The following PLEKHG4B variants were observed in gnomAD, a reference collection of about 807,000 sequenced individuals.
PLEKHG4B encodes pleckstrin homology domain-containing family G member 4B.
In PLEKHG4B, 111 loss-of-function variants were observed where a neutral mutation model predicts 121.3. That is an observed-to-expected ratio of 0.92 (90% CI 0.78 to 1.07). The LOEUF (loss-of-function observed/expected upper bound fraction) is 1.07, where lower values mean the gene tolerates loss of function less well. PLEKHG4B is among the 50% of genes least tolerant of loss of function. PLEKHG4B has a pLI of 0.00. For missense variants in PLEKHG4B, 1,831 were observed against 1,757.8 expected, an observed-to-expected ratio of 1.04 and a Z score of -0.74; for synonymous variants, 738 against 725.0, an observed-to-expected ratio of 1.02 and a Z score of -0.29.
chr5:135,421 C>T (rs1489215422), intron 2 of PLEKHG4B, among the ~76,000 whole-genome samples: 1 of 150,390 alleles, frequency 6.6e-6, no homozygotes, highest in Non-Finnish European at 1.5e-5. Context: ...AATGCCAGTA[C>T]TTTGGGAGGC....
intron 18 of PLEKHG4B, among the ~76,000 whole-genome samples, chr5:175,080 G>A (rs1373580528): frequency 2.0e-5 from 3 of 152,082 alleles, no homozygotes; most frequent in Admixed American, 1.3e-4. Flanking sequence ...GTCCACAAGC[G>A]AACATAAGGC....
intron 2 of PLEKHG4B, among the ~76,000 whole-genome samples, chr5:128,944 C>T (rs7715867): frequency 0.071 from 10,878 of 152,202 alleles, 681 homozygotes; most frequent in African/African-American, 0.17. Context: ...TTAGGCACAA[C>T]TGACCAGCAT....
In PLEKHG4B at chr5:159,375, G is replaced by A. The variant is rs184049410; in HGVS notation, c.2488-2408G>A. Among the ~76,000 whole-genome samples the A allele has an allele frequency of 1.3e-5, 2 of 152,126 alleles. No homozygotes were observed. Among genetic ancestry groups the A allele is most frequent in the South Asian group, 2.1e-4 (1 of 4,828 alleles). Reference sequence around the variant, plus strand: ...TTCTGGGAATTCTGTGACATCCTTCGTGGCGCTCGCATTTCCCACAGCTCC... The same window carrying A: ...TTCTGGGAATTCTGTGACATCCTTCATGGCGCTCGCATTTCCCACAGCTCC... On this transcript the variant is annotated intron_variant, in intron 11 of 19. Coordinates refer to ENST00000637938, the MANE Select transcript of PLEKHG4B (RefSeq NM_052909.5). This position sits in a 1 kb window ranked among gnomAD's most constrained non-coding sequence, Gnocchi z 5.5.
intron 1 of PLEKHG4B, among the ~76,000 whole-genome samples, chr5:112,622 A>C (rs1447408874): frequency 6.6e-6 from 1 of 152,256 alleles, no homozygotes; most frequent in Non-Finnish European, 1.5e-5. Flanking sequence ...TCCTGTTTTT[A>C]GGGTGCCAAA....
At chr5:160,157 C>T (rs993921445) in intron 11 of PLEKHG4B, among the ~76,000 whole-genome samples, 4 of 152,274 alleles carry the variant, frequency 2.6e-5, no homozygotes, top group African/African-American at 4.8e-5. Flanking sequence ...TTTTTACACA[C>T]GGGATGCCGC....
At position 162,882 on chromosome 5, in the gene PLEKHG4B, G is replaced by A. The variant is rs754818082; in HGVS notation, c.2810G>A (p.Trp937Ter). 24 of 1,521,296 alleles carry A rather than the reference G, an allele frequency of 1.6e-5. No individual in the cohort carries two copies. The highest frequency in any genetic ancestry group is 5.2e-5 in the South Asian group (4 of 77,206). 94.2% of individuals were successfully genotyped at this position (1,521,296 alleles called of 1,614,324 possible). Residue 937 changes from tryptophan (W) to a stop codon, truncating the protein, a stop_gained, in exon 13 of 20, where the codon TGG (tryptophan) becomes TAG (stop). Transcript: ENST00000637938. LOFTEE classifies it high-confidence loss of function. ...VLKPHALGKP[W>*]ASQQDLWLQY... The stretch of plus-strand genomic sequence containing the variant: ...AAGCCTCATGCCCTGGGGAAACCGT[G>A]GGCATCACAGCAAGACCTGTGGCTG...
At chr5:123,918 T>G (rs1734537461) in intron 2 of PLEKHG4B, among the ~76,000 whole-genome samples, 1 of 152,186 alleles carries the variant, frequency 6.6e-6, no homozygotes, top group African/African-American at 2.4e-5. Context: ...TTTTCTTCTT[T>G]TTCTAGTTCC....
At chr5:122,445 A>T (rs889579780) in intron 2 of PLEKHG4B, among the ~76,000 whole-genome samples, 3 of 151,544 alleles carry the variant, frequency 2.0e-5, no homozygotes, top group Non-Finnish European at 4.4e-5. Context: ...TTTTAGATGG[A>T]GTCTTGCACT....
intron 1 of PLEKHG4B, among the ~76,000 whole-genome samples, chr5:102,922 G>T (rs1733865158): frequency 6.6e-6 from 1 of 152,194 alleles, no homozygotes; most frequent in South Asian, 2.1e-4. Context: ...CTGACCCTCG[G>T]GTCTTGGAGC....
At chr5:155,114 C>T (rs1258063727) in intron 8 of PLEKHG4B, 123 bp downstream of exon 8, 12 of 947,012 alleles carry the variant, frequency 1.3e-5, no homozygotes, top group South Asian at 7.4e-5. Flanking sequence ...TTACAGTCGC[C>T]GTTCAGGTCT....
chr5:164,450 GGGGCTCACAGTAATGTTGTGACGGAGCA>G (rs1736169127), intron 13 of PLEKHG4B, among the ~76,000 whole-genome samples: 2 of 126,520 alleles, frequency 1.6e-5, no homozygotes, highest in East Asian at 4.0e-4. Flanking sequence ...GACAGGGGGC[GGGGCTCACAGTAATGTTGTGACGGAGCA>G]GAGCTCACAC....
At position 169,471 on chromosome 5, in the gene PLEKHG4B, A is replaced by G; in HGVS notation, c.3608A>G (p.Lys1203Arg). The G allele has an allele frequency of 2.5e-6, 4 of 1,614,242 alleles. No homozygotes were observed. Among genetic ancestry groups the G allele is most frequent in the Non-Finnish European group, 3.4e-6 (4 of 1,180,050 alleles). The change falls in exon 14 of 20, where the codon AAG becomes AGG. Residue 1203 changes from lysine (K) to arginine (R), a missense_variant. By Grantham distance (26) the Lys-to-Arg change is conservative (BLOSUM62 2). Transcript: ENST00000637938. The stretch of plus-strand genomic sequence containing the variant: ...GACTTGCCCCAGGGCCTTCGAGGGA[A>G]GCACCACGTTATTTTCGGCAACTTG... ...RMDLPQGLRG[K>R]HHVIFGNLEK...
In PLEKHG4B at chr5:94,950, T is replaced by C. The variant is rs554926661; in HGVS notation, c.45+2674T>C. Among the ~76,000 whole-genome samples, 8 of 152,288 alleles carry C rather than the reference T, an allele frequency of 5.3e-5. No homozygotes were observed. In the South Asian group the frequency reaches 1.7e-3, roughly 32 times the overall value. On this transcript the variant is annotated intron_variant, in intron 1 of 19. Transcript: ENST00000637938. ...TTGAAAAGAGATGTACACAAGCTTT[T>C]AACAAGGAAACACAGTTGCATTCTT...
Position 171,331 on chromosome 5 carries a change from G to T in PLEKHG4B, c.3937G>T (p.Gly1313Cys), listed in dbSNP as rs746605290. 6.2e-7 allele frequency: 1 copy of T among 1,612,566 alleles called. No homozygotes were observed. Residue 1313 changes from glycine to cysteine, a missense_variant, in exon 16 of 20, where the codon GGC (glycine) becomes TGC (cysteine). By Grantham distance (159) the Gly-to-Cys change is radical. Coordinates refer to ENST00000637938, the MANE Select transcript of PLEKHG4B (RefSeq NM_052909.5). ...LQDLLKEASC[G>C]LAQGQELGEL... is the part of the protein sequence containing the mutation. ...GGACCTGCTCAAGGAGGCCAGCTGT[G>T]GCCTGGCCCAGGGGCAGGAGCTGGG...
At chr5:171,832 C>T (rs1229987120) in intron 16 of PLEKHG4B, among the ~76,000 whole-genome samples, 1 of 152,262 alleles carries the variant, frequency 6.6e-6, no homozygotes, top group Non-Finnish European at 1.5e-5. Flanking sequence ...GGCACTAGGG[C>T]CAGGGCGTGG....
intron 2 of PLEKHG4B, among the ~76,000 whole-genome samples, chr5:133,941 C>CACACACACACACACACACAT (rs34900477): frequency 2.3e-3 from 330 of 146,334 alleles, no homozygotes; most frequent in African/African-American, 7.9e-3. Flanking sequence ...CACACACACA[C>CACACACACACACACACACAT]ATATATATAT....
rs776968654 is a variant in PLEKHG4B, at chr5:171,425, A to T, written c.4031A>T (p.Asp1344Val). Residue 1344 changes from aspartate to valine, a missense_variant, in exon 16 of 20, where the codon GAC (aspartate) becomes GTC (valine). Physicochemically the swap from Asp to Val is radical, Grantham distance 152. Coordinates refer to ENST00000637938, the MANE Select transcript of PLEKHG4B (RefSeq NM_052909.5). Reference protein sequence around the residue: ...LRHGNDLLAMDAIRGCDVNLK... With the variant: ...LRHGNDLLAMVAIRGCDVNLK... ...CACGGCAATGACCTGCTGGCCATGG[A>T]CGCCATCCGCGGCTGTGACGTAAGT... is the stretch of plus-strand genomic sequence containing the variant. The T allele has an allele frequency of 6.2e-7, 1 of 1,600,578 alleles. No individual in the cohort carries two copies. Among genetic ancestry groups the T allele is most frequent in the South Asian group, 1.1e-5 (1 of 90,712 alleles).
intron 1 of PLEKHG4B, among the ~76,000 whole-genome samples, chr5:95,072 C>T (rs983676191): frequency 6.6e-6 from 1 of 152,196 alleles, no homozygotes; most frequent in Non-Finnish European, 1.5e-5. Context: ...CAGTTCACAC[C>T]TGGGCCCAGG....
chr5:107,536 T>C (rs1265383290), intron 1 of PLEKHG4B, among the ~76,000 whole-genome samples: 1 of 152,238 alleles, frequency 6.6e-6, no homozygotes. Context: ...GAGACCTTCT[T>C]ACCCTCAGGT....
Sources: gnomAD v4.1 joint callset for allele counts (sites outside exome capture counted in the v4.1 genomes callset) on GRCh38, gnomAD v4.1.1 for gene constraint, Gnocchi (gnomAD v3.1) non-coding constraint, MANE v1.5 for transcripts, NCBI Gene and HGNC (gene_info 2026-07-23, HGNC 2026-07-21) for gene names.